GALNTL6: variants seen among roughly 807,000 people sequenced by gnomAD.
GALNTL6 encodes polypeptide N-acetylgalactosaminyltransferase-like 6.
A neutral mutation model predicts 73.7 loss-of-function variants in GALNTL6; 46 were observed. That is an observed-to-expected ratio of 0.62 (90% CI 0.49 to 0.80). The LOEUF is 0.80. GALNTL6 is among the 30% of genes least tolerant of loss of function. GALNTL6 has a pLI of 0.00. For missense variants in GALNTL6, 604 were observed against 755.0 expected (o/e 0.80, Z 2.34); for synonymous variants, 259 against 263.7 (o/e 0.98, Z 0.17).
At chr4:172,785,653 G>A (rs1325958216) in intron 5 of GALNTL6, among the ~76,000 whole-genome samples, 1 of 152,140 alleles carries the variant, frequency 6.6e-6, no homozygotes, top group African/African-American at 2.4e-5. Flanking sequence ...GAAAAATAAA[G>A]TAGGGTGAGG....
chr4:171,856,834 TAG>T (rs1218262583), intron 2 of GALNTL6, among the ~76,000 whole-genome samples: 1 of 152,220 alleles, frequency 6.6e-6, no homozygotes, highest in African/African-American at 2.4e-5. Flanking sequence ...TTAATTATTG[TAG>T]ATTTATAGTA....
At chr4:172,341,591 A>T (rs1741569272) in intron 4 of GALNTL6, among the ~76,000 whole-genome samples, 1 of 152,134 alleles carries the variant, frequency 6.6e-6, no homozygotes, top group South Asian at 2.1e-4. Context: ...AGATGATGGA[A>T]TCATGGGGGT....
At chr4:172,119,190 G>GC (rs1462763799) in intron 2 of GALNTL6, among the ~76,000 whole-genome samples, 1 of 152,080 alleles carries the variant, frequency 6.6e-6, no homozygotes, top group Non-Finnish European at 1.5e-5. Flanking sequence ...ATAATTTGTG[G>GC]CATCATTTTT....
chr4:172,008,265 C>A (rs766547982), intron 2 of GALNTL6, among the ~76,000 whole-genome samples: 2 of 152,052 alleles, frequency 1.3e-5, no homozygotes, highest in Admixed American at 6.6e-5. Context: ...ATTTTCTGAA[C>A]AAATTTTAAC....
At chr4:172,601,136 T>C (rs979757537) in intron 5 of GALNTL6, among the ~76,000 whole-genome samples, 8 of 152,040 alleles carry the variant, frequency 5.3e-5, no homozygotes, top group Non-Finnish European at 1.0e-4. Flanking sequence ...AAGTGAGAAG[T>C]ATAGTGTTGA....
intron 3 of GALNTL6, among the ~76,000 whole-genome samples, chr4:172,234,927 T>G (rs1737190459): frequency 6.6e-6 from 1 of 152,168 alleles, no homozygotes. Context: ...TGACCTGAAC[T>G]TTTCTTGGAG....
At chr4:171,909,432 A>C (rs1468076816) in intron 2 of GALNTL6, among the ~76,000 whole-genome samples, 1 of 152,166 alleles carries the variant, frequency 6.6e-6, no homozygotes, top group Non-Finnish European at 1.5e-5. Context: ...AATGTGATCT[A>C]TGAAAGATCA....
chr4:172,307,449 G>A (rs1561018019), intron 3 of GALNTL6, among the ~76,000 whole-genome samples: 2 of 151,968 alleles, frequency 1.3e-5, no homozygotes, highest in Non-Finnish European at 2.9e-5. Context: ...GTCTAGAAGG[G>A]GTTTTCTGAT....
chr4:172,788,326 C>T (rs1158756710), intron 5 of GALNTL6, among the ~76,000 whole-genome samples: 2 of 152,202 alleles, frequency 1.3e-5, no homozygotes, highest in African/African-American at 4.8e-5. Context: ...GAGCCATGCT[C>T]ATGCCACTGC....
chr4:173,026,453 A>G (rs1435842730), intron 12 of GALNTL6, among the ~76,000 whole-genome samples: 1 of 152,184 alleles, frequency 6.6e-6, no homozygotes, highest in African/African-American at 2.4e-5. Flanking sequence ...TTAAGGCCGG[A>G]GAAAGTCCTT....
chr4:172,735,819 G>A (rs760869873), intron 5 of GALNTL6, among the ~76,000 whole-genome samples: 22 of 152,090 alleles, frequency 1.4e-4, no homozygotes, highest in African/African-American at 3.4e-4. Context: ...CCTAAGTGTC[G>A]GCCGGTCTGA....
chr4:172,837,544 G>A (rs1273468355), intron 7 of GALNTL6, among the ~76,000 whole-genome samples: 1 of 152,102 alleles, frequency 6.6e-6, no homozygotes, highest in Non-Finnish European at 1.5e-5. Context: ...ACATAGAGAA[G>A]GCATTCCATA....
chr4:172,336,661 A>G (rs1384773630), intron 4 of GALNTL6, among the ~76,000 whole-genome samples: 1 of 152,142 alleles, frequency 6.6e-6, no homozygotes, highest in Non-Finnish European at 1.5e-5. Context: ...CTTCATGGCA[A>G]TGCATGTGGC....
At chr4:172,352,108 G>A (rs1290949877) in intron 5 of GALNTL6, among the ~76,000 whole-genome samples, 1 of 152,112 alleles carries the variant, frequency 6.6e-6, no homozygotes, top group African/African-American at 2.4e-5. Flanking sequence ...TTCTGTAATA[G>A]TGGGTTTCAT....
chr4:172,149,599 G>A (rs1322282094), intron 2 of GALNTL6, among the ~76,000 whole-genome samples: 2 of 152,008 alleles, frequency 1.3e-5, no homozygotes, highest in South Asian at 2.1e-4. Context: ...TGCTGCCACC[G>A]CCGAGCCCTG....
rs544210584 is a variant in GALNTL6, at chr4:172,718,265, A to G, written c.554-91096A>G. Among the ~76,000 whole-genome samples, 46 of 152,276 alleles carry G rather than the reference A, an allele frequency of 3.0e-4. 2 individuals carry two copies. The South Asian group carries it at 9.5e-3, about 32-fold the overall frequency. On this transcript the variant is annotated intron_variant, in intron 5 of 12. Coordinates refer to ENST00000506823, the MANE Select transcript of GALNTL6 (RefSeq NM_001034845.3). ...TTTTGTGCTAAATATACATTTCCTG[A>G]TTTATATCATGTCATATCATAATTT...
At chr4:171,940,868 TAA>T (rs962310934) in intron 2 of GALNTL6, among the ~76,000 whole-genome samples, 11 of 143,488 alleles carry the variant, frequency 7.7e-5, no homozygotes, top group African/African-American at 2.5e-4. Flanking sequence ...AATAAATATA[TAA>T]GTCATGTATG....
chr4:172,930,750 T>A (rs939647396), intron 8 of GALNTL6, among the ~76,000 whole-genome samples: 3 of 152,154 alleles, frequency 2.0e-5, no homozygotes, highest in African/African-American at 4.8e-5. Flanking sequence ...GGTGCAAACA[T>A]AGCTCACTTC....
chr4:172,605,815 C>T (rs1279791594), intron 5 of GALNTL6, among the ~76,000 whole-genome samples: 1 of 151,852 alleles, frequency 6.6e-6, no homozygotes, highest in South Asian at 2.1e-4. Flanking sequence ...GGATTTAATA[C>T]GTGAAGCAAA....
Sources: allele counts gnomAD v4.1 joint callset (sites outside exome capture counted in the v4.1 genomes callset), GRCh38; gene constraint gnomAD v4.1.1; transcripts MANE v1.5; gene names NCBI Gene and HGNC (gene_info 2026-07-23, HGNC 2026-07-21).